TBX20: variants seen among roughly 807,000 people sequenced by gnomAD.
The protein encoded by TBX20 is T-box transcription factor TBX20.
In TBX20, 8 loss-of-function variants were observed where a neutral mutation model predicts 42.9. The ratio of observed to expected loss-of-function variants is 0.19; its 90% CI spans 0.11 to 0.34. TBX20 has a LOEUF of 0.34. Ranked by LOEUF, TBX20 falls within the 10% of genes least tolerant of loss-of-function variation. The pLI is 1.00. For synonymous variants in TBX20, 198 were observed against 222.8 expected, an observed-to-expected ratio of 0.89 and a Z score of 0.99; for missense variants, 411 against 566.0, an observed-to-expected ratio of 0.73 and a Z score of 2.78.
intron 4 of TBX20, among the ~76,000 whole-genome samples, chr7:35,243,988 G>T (rs10254686): frequency 0.038 from 5,854 of 152,192 alleles, 139 homozygotes; most frequent in Non-Finnish European, 0.059. Flanking sequence ...GACCATCTTT[G>T]TTGAGAAAGG....
At chr7:35,207,350 T>A (rs1450013968) in intron 6 of TBX20, among the ~76,000 whole-genome samples, 1 of 152,236 alleles carries the variant, frequency 6.6e-6, no homozygotes, top group East Asian at 1.9e-4. Context: ...ATTTGTTTTC[T>A]GAGTTTTGAG....
At chr7:35,245,817 C>T (rs1284012099) in intron 3 of TBX20, among the ~76,000 whole-genome samples, 1 of 152,188 alleles carries the variant, frequency 6.6e-6, no homozygotes, top group African/African-American at 2.4e-5. Flanking sequence ...ATGCAGGTCA[C>T]TTTTTCTACC....
chr7:35,216,856 A>T (rs1789599766), intron 6 of TBX20, among the ~76,000 whole-genome samples: 3 of 152,130 alleles, frequency 2.0e-5, no homozygotes, highest in Admixed American at 2.0e-4. Flanking sequence ...AAAATATATA[A>T]TGTTGTTTTT....
chr7:35,233,640 T>G (rs1562563557), intron 5 of TBX20, among the ~76,000 whole-genome samples: 1 of 152,196 alleles, frequency 6.6e-6, no homozygotes, highest in South Asian at 2.1e-4. Flanking sequence ...ATTTTTTTGT[T>G]TGAAATAAAT....
chr7:35,213,661 T>A (rs1463092191), intron 6 of TBX20, among the ~76,000 whole-genome samples: 2 of 151,992 alleles, frequency 1.3e-5, no homozygotes, highest in Admixed American at 1.3e-4. Flanking sequence ...GTGCAATATA[T>A]TGGAAATATC....
At chr7:35,220,853 A>T (rs1789671267) in intron 6 of TBX20, among the ~76,000 whole-genome samples, 1 of 152,238 alleles carries the variant, frequency 6.6e-6, no homozygotes, top group Non-Finnish European at 1.5e-5. Context: ...TTAAAATTTT[A>T]GTAAGATTTA....
intron 6 of TBX20, among the ~76,000 whole-genome samples, chr7:35,212,350 T>C (rs1034319653): frequency 6.6e-6 from 1 of 152,212 alleles, no homozygotes. Flanking sequence ...TGAATGTCCT[T>C]GTTATTAATT....
chr7:35,234,494 T>C (rs1396387509), intron 5 of TBX20, among the ~76,000 whole-genome samples: 1 of 152,226 alleles, frequency 6.6e-6, no homozygotes, highest in Non-Finnish European at 1.5e-5. Flanking sequence ...ACATGAGTTT[T>C]CAAATGTCTT....
At position 35,248,688 on chromosome 7, in the gene TBX20, C is replaced by T. The variant is rs1186865749; in HGVS notation, c.534G>A (p.Pro178=). ...CTGGAGGCACGAACCTGGCTGGCAA[C>T]GGCGGGTCGGCCTTGCCAGCCACCA... ...SWLVAGKADP[P]LPARLYVHPD... is the part of the protein sequence containing the mutation. The change falls in exon 3 of 8, where the codon CCG becomes CCA. Residue 178 remains proline, a synonymous_variant. Coordinates refer to ENST00000408931, the MANE Select transcript of TBX20 (RefSeq NM_001077653.2). 4.3e-6 allele frequency: 7 copies of T among 1,611,506 alleles called. No individual in the cohort carries two copies. Among genetic ancestry groups the T allele is most frequent in the African/African-American group, 1.3e-5 (1 of 75,040 alleles).
chr7:35,210,301 G>C (rs1379312200), intron 6 of TBX20, among the ~76,000 whole-genome samples: 1 of 151,732 alleles, frequency 6.6e-6, no homozygotes, highest in African/African-American at 2.4e-5. Context: ...ATTTTTAGTA[G>C]AGACCGGGTT....
chr7:35,224,811 TA>T (rs1347486909), intron 6 of TBX20, among the ~76,000 whole-genome samples: 2 of 152,064 alleles, frequency 1.3e-5, no homozygotes, highest in African/African-American at 4.8e-5. Context: ...TAAATTCAAT[TA>T]ATGTTAAGAT....
intron 7 of TBX20, among the ~76,000 whole-genome samples, chr7:35,203,412 C>T (rs1305815875): frequency 2.6e-5 from 4 of 152,020 alleles, no homozygotes; most frequent in African/African-American, 9.7e-5. Flanking sequence ...TCCGAGACAG[C>T]AAGACCAACC....
chr7:35,206,219 T>A (rs547462545), intron 6 of TBX20, among the ~76,000 whole-genome samples: 1 of 152,232 alleles, frequency 6.6e-6, no homozygotes, highest in Non-Finnish European at 1.5e-5. Flanking sequence ...TATTGAGATA[T>A]GATTAAAATA....
intron 5 of TBX20, among the ~76,000 whole-genome samples, chr7:35,232,877 C>T (rs1055166791): frequency 7.2e-5 from 11 of 152,080 alleles, no homozygotes; most frequent in Non-Finnish European, 1.3e-4. Context: ...AAAAAATTAG[C>T]CAGGCATAGT....
intron 4 of TBX20, among the ~76,000 whole-genome samples, chr7:35,241,619 A>C (rs1230405067): frequency 6.6e-6 from 1 of 152,208 alleles, no homozygotes. Flanking sequence ...GCACAGAGGA[A>C]ACAGGAAGTG....
In TBX20 at chr7:35,253,653, G is replaced by T. The variant is rs371637001; in HGVS notation, c.-33C>A. ...AGCACGCGGTCCTGGCCAGGGACGG[G>T]GTCGTCCGAACTGCCGTCCAGATTC... is the stretch of plus-strand genomic sequence containing the variant. On this transcript the variant is annotated 5_prime_UTR_variant, in exon 1 of 8. Coordinates refer to ENST00000408931, the MANE Select transcript of TBX20 (RefSeq NM_001077653.2). 37 of 1,603,208 alleles carry T rather than the reference G, an allele frequency of 2.3e-5. No homozygotes were observed. In the African/African-American group the frequency reaches 4.8e-4, roughly 21 times the overall value.
intron 1 of TBX20, among the ~76,000 whole-genome samples, chr7:35,252,975 T>G (rs1327928299): frequency 6.6e-6 from 1 of 152,260 alleles, no homozygotes; most frequent in Non-Finnish European, 1.5e-5. Context: ...GTGATAAGTC[T>G]AGAGCTTCAG....
intron 5 of TBX20, among the ~76,000 whole-genome samples, chr7:35,239,638 A>C (rs1282880047): frequency 6.6e-6 from 1 of 152,230 alleles, no homozygotes; most frequent in African/African-American, 2.4e-5. Flanking sequence ...AAAAGAAGAA[A>C]ATGTATGGGA....
Position 35,249,967 on chromosome 7 carries a change from T to C in TBX20, c.364A>G (p.Ile122Val), listed in dbSNP as rs754175462. The C allele has an allele frequency of 2.1e-5, 34 of 1,607,138 alleles. No homozygotes were observed. Among genetic ancestry groups the C allele is most frequent in the Non-Finnish European group, 2.8e-5 (33 of 1,175,572 alleles). ...KFHELGTEMI[I>V]TKSGRRMFPT... is the part of the protein sequence containing the mutation. ...CCCAACTACCTGCCCGACTTGGTGATGATCATCTCGGTGCCCAGCTCATGG... is the reference window on the plus strand; with the variant it reads ...CCCAACTACCTGCCCGACTTGGTGACGATCATCTCGGTGCCCAGCTCATGG... Residue 122 changes from isoleucine (I) to valine (V), a missense_variant, in exon 2 of 8, where the codon ATC becomes GTC. Transcript: ENST00000408931. The surrounding 1 kb of genome is among the most constrained non-coding windows in gnomAD (Gnocchi z 4.3).
Sources: allele counts gnomAD v4.1 joint callset (sites outside exome capture counted in the v4.1 genomes callset), GRCh38; gene constraint gnomAD v4.1.1; non-coding constraint Gnocchi (gnomAD v3.1); transcripts MANE v1.5; gene names NCBI Gene and HGNC (gene_info 2026-07-23, HGNC 2026-07-21).